PICALM: variants seen among roughly 807,000 people sequenced by gnomAD.
The protein encoded by PICALM is phosphatidylinositol binding clathrin assembly protein.
In PICALM, 40 loss-of-function variants were observed where a neutral mutation model predicts 80.5. The observed-to-expected ratio is 0.50, with a 90% confidence interval of 0.39 to 0.65. The LOEUF is 0.65. PICALM is among the 30% of genes least tolerant of loss of function. The pLI is 0.00. For synonymous variants in PICALM, 288 were observed against 260.3 expected, an observed-to-expected ratio of 1.11 and a Z score of -1.02; for missense variants, 676 against 778.9, an observed-to-expected ratio of 0.87 and a Z score of 1.57.
chr11:86,025,845 C>CACCGT (rs1342043178), intron 3 of PICALM, among the ~76,000 whole-genome samples: 2 of 152,180 alleles, frequency 1.3e-5, no homozygotes, highest in Non-Finnish European at 2.9e-5. Context: ...AGGCATGAGC[C>CACCGT]ACCGTACCCA....
rs557802414 is a variant in PICALM, at chr11:85,970,749, G to A, written c.1944+3959C>T. On this transcript the variant is annotated intron_variant, in intron 19 of 19. Transcript: ENST00000393346. ...ACACAGGAGGCAGAGGCTGCAGTGA[G>A]CTGAAATCGTACCACTGCCCTCCAG... Among the ~76,000 whole-genome samples, 5 of 152,298 alleles carry A rather than the reference G, an allele frequency of 3.3e-5. 1 individual carries two copies. The South Asian group carries it at 1.0e-3, about 32-fold the overall frequency.
chr11:86,032,297 T>G (rs1325859994), intron 1 of PICALM, among the ~76,000 whole-genome samples: 3 of 152,168 alleles, frequency 2.0e-5, no homozygotes, highest in African/African-American at 7.2e-5. Context: ...ACAATCTGTT[T>G]AAGAGATATT....
intron 9 of PICALM, among the ~76,000 whole-genome samples, chr11:86,002,368 G>T (rs1252945782): frequency 6.6e-6 from 1 of 152,108 alleles, no homozygotes; most frequent in Non-Finnish European, 1.5e-5. Flanking sequence ...CCAAAGGAAG[G>T]TTCTCACTAT....
intron 19 of PICALM, among the ~76,000 whole-genome samples, chr11:85,971,682 G>T (rs533985834): frequency 1.1e-4 from 17 of 151,510 alleles, no homozygotes; most frequent in Middle Eastern, 3.4e-3. Context: ...GTTGCAGTGA[G>T]CCGAGATCGC....
At chr11:86,025,959 A>C (rs2095643431) in intron 3 of PICALM, among the ~76,000 whole-genome samples, 1 of 152,138 alleles carries the variant, frequency 6.6e-6, no homozygotes, top group Admixed American at 6.6e-5. Context: ...TACTATCACT[A>C]TTACTCGATT....
chr11:86,043,021 TG>T (rs886680567), intron 1 of PICALM, among the ~76,000 whole-genome samples: 55 of 152,210 alleles, frequency 3.6e-4, no homozygotes, highest in Admixed American at 2.0e-3. Flanking sequence ...CTGGTTTTGC[TG>T]GAACAGTCCT....
At chr11:86,057,859 C>G (rs2096293635) in intron 1 of PICALM, among the ~76,000 whole-genome samples, 1 of 152,142 alleles carries the variant, frequency 6.6e-6, no homozygotes, top group Admixed American at 6.6e-5. Flanking sequence ...CATTTTACAT[C>G]AGGGATTTGA....
intron 8 of PICALM, among the ~76,000 whole-genome samples, chr11:86,006,437 C>T (rs894938669): frequency 7.2e-5 from 11 of 152,118 alleles, no homozygotes; most frequent in Non-Finnish European, 1.0e-4. Context: ...CACCTGAGGT[C>T]AGGAGTTTGA....
At chr11:86,004,798 T>C (rs74799217) in intron 8 of PICALM, among the ~76,000 whole-genome samples, 240 of 152,306 alleles carry the variant, frequency 1.6e-3, no homozygotes, top group African/African-American at 5.4e-3. Context: ...ATTCCCTCTA[T>C]ATACCAGGAC....
chr11:85,978,440 A>G (rs1463866931), intron 17 of PICALM: 1 of 159,420 alleles, frequency 6.3e-6, no homozygotes. Flanking sequence ...AAAAGCAAGC[A>G]CTAATTAAAA....
At chr11:85,991,544 GA>G (rs1054590010) in intron 12 of PICALM, among the ~76,000 whole-genome samples, 117 of 141,046 alleles carry the variant, frequency 8.3e-4, no homozygotes, top group Non-Finnish European at 8.9e-4. Context: ...TCTGAAAAAG[GA>G]AAAAAAAAAA....
chr11:86,020,992 C>T (rs1479894987), intron 4 of PICALM, among the ~76,000 whole-genome samples: 1 of 151,912 alleles, frequency 6.6e-6, no homozygotes, highest in Non-Finnish European at 1.5e-5. Flanking sequence ...AAACTGGTGC[C>T]CAGAACATAT....
chr11:86,018,556 G>A (rs1463098560), intron 4 of PICALM, among the ~76,000 whole-genome samples: 25 of 152,098 alleles, frequency 1.6e-4, no homozygotes, highest in Admixed American at 1.6e-3. Flanking sequence ...TAAATCAGAT[G>A]TACACCTGCA....
chr11:86,021,946 A>G (rs1204927171), intron 4 of PICALM, among the ~76,000 whole-genome samples: 1 of 152,260 alleles, frequency 6.6e-6, no homozygotes, highest in African/African-American at 2.4e-5. Context: ...TTTCATTTAT[A>G]TGAAATGTTC....
chr11:85,986,220 T>C (rs59544396), intron 13 of PICALM, among the ~76,000 whole-genome samples: 31,949 of 151,776 alleles, frequency 0.21, 3,742 homozygotes, highest in East Asian at 0.48. Flanking sequence ...AGGCAAGCAG[T>C]TTATTTCCAA....
intron 19 of PICALM, 41 bp downstream of exon 19, chr11:85,974,667 A>G: frequency 1.5e-6 from 2 of 1,307,512 alleles, no homozygotes; most frequent in Non-Finnish European, 2.2e-6. Flanking sequence ...TATTCCTTCC[A>G]AATCAAACAC....
intron 1 of PICALM, among the ~76,000 whole-genome samples, chr11:86,060,758 G>C (rs2096347967): frequency 6.6e-6 from 1 of 150,678 alleles, no homozygotes; most frequent in Non-Finnish European, 1.5e-5. Context: ...AATGAATCAG[G>C]AGACAGACAT....
At chr11:85,987,385 A>AATATAGTAAGTAGAAATATAT (rs1359266604) in intron 13 of PICALM, among the ~76,000 whole-genome samples, 2 of 152,062 alleles carry the variant, frequency 1.3e-5, no homozygotes, top group Non-Finnish European at 2.9e-5. Context: ...CACCTTACAT[A>AATATAGTAAGTAGAAATATAT]ATATAGTAAG....
chr11:86,044,093 G>T (rs942447935), intron 1 of PICALM, among the ~76,000 whole-genome samples: 2 of 152,154 alleles, frequency 1.3e-5, no homozygotes, highest in African/African-American at 4.8e-5. Context: ...ATACAATAGT[G>T]GACAAAGTTT....
Sources: allele counts gnomAD v4.1 joint callset (sites outside exome capture counted in the v4.1 genomes callset), GRCh38; gene constraint gnomAD v4.1.1; transcripts MANE v1.5; gene names NCBI Gene and HGNC (gene_info 2026-07-23, HGNC 2026-07-21).